The following VMA22 variants were observed in gnomAD, a reference collection of about 807,000 sequenced individuals.
The protein encoded by VMA22 is vacuolar ATPase assembly protein VMA22.
the VMA22 span, chr2:130,342,669 A>T: frequency 1.9e-6 from 1 of 517,398 alleles, no homozygotes; most frequent in South Asian, 2.8e-5. Context: ...CTGGGCGGAC[A>T]TATTTATTAG....
chr2:130,341,932 G>C, the VMA22 span: 1 of 1,613,642 alleles, frequency 6.2e-7, no homozygotes, highest in South Asian at 1.1e-5. Flanking sequence ...GCCTTGGCGA[G>C]CGAGAGCCAG....
At chr2:130,339,784 C>G in the VMA22 span, 1 of 1,302,522 alleles carries the variant, frequency 7.7e-7, no homozygotes, top group African/African-American at 1.5e-5. Flanking sequence ...TGTTGCTCCT[C>G]AGTTTCCTTG....
chr2:130,339,186 G>A, the VMA22 span: 2 of 1,614,078 alleles, frequency 1.2e-6, no homozygotes. Flanking sequence ...TTCGACCCCA[G>A]TCAATGCGGT....
the VMA22 span, chr2:130,341,864 C>A: frequency 7.1e-7 from 1 of 1,417,094 alleles, no homozygotes; most frequent in African/African-American, 1.6e-5. Flanking sequence ...AGACCTGGGG[C>A]TCCATGTGGG....
the VMA22 span, among the ~76,000 whole-genome samples, chr2:130,338,002 T>A: frequency 4.6e-5 from 7 of 152,196 alleles, no homozygotes; most frequent in Non-Finnish European, 8.8e-5. Context: ...CAAATTACAT[T>A]AGGTTTACAC....
the VMA22 span, chr2:130,341,877 G>A: frequency 1.2e-6 from 2 of 1,612,258 alleles, no homozygotes; most frequent in Non-Finnish European, 1.7e-6. Context: ...CATGTGGGAA[G>A]CATACTGCAG....
At chr2:130,341,856 AC>A in the VMA22 span, 2 of 1,358,022 alleles carry the variant, frequency 1.5e-6, no homozygotes, top group Non-Finnish European at 2.0e-6. Context: ...GTGGAGGCAG[AC>A]CTGGGGCTCC....
chr2:130,339,695 AGCAGG>A, the VMA22 span: 2 of 1,304,396 alleles, frequency 1.5e-6, no homozygotes, highest in Non-Finnish European at 2.0e-6. Context: ...CCTGTTCAGC[AGCAGG>A]GCTGACCACA....
At chr2:130,342,441 G>A in the VMA22 span, 2 of 557,208 alleles carry the variant, frequency 3.6e-6, no homozygotes, top group Non-Finnish European at 3.2e-6. Flanking sequence ...CACTGTTGTG[G>A]CGATGGAAGA....
At chr2:130,341,379 G>A in the VMA22 span, 1 of 547,620 alleles carries the variant, frequency 1.8e-6, no homozygotes. Flanking sequence ...GATTAACTGG[G>A]ATTAGAAGTT....
the VMA22 span, chr2:130,338,521 G>A: frequency 5.3e-5 from 8 of 152,184 alleles, no homozygotes; most frequent in South Asian, 2.1e-4. Flanking sequence ...AATGAAGAGA[G>A]GCTCAGCCTC....
At chr2:130,340,873 G>A in the VMA22 span, 7 of 1,613,318 alleles carry the variant, frequency 4.3e-6, no homozygotes, top group African/African-American at 4.0e-5. Flanking sequence ...TAGAGGGTCT[G>A]AGGGCCACAG....
chr2:130,342,194 A>AC, the VMA22 span: 1 of 1,578,678 alleles, frequency 6.3e-7, no homozygotes. Context: ...GACAGCCAAT[A>AC]GGCACACGAG....
the VMA22 span, chr2:130,341,987 T>G: frequency 6.2e-7 from 1 of 1,613,220 alleles, no homozygotes; most frequent in Non-Finnish European, 8.5e-7. Flanking sequence ...TACGCCCGTG[T>G]ACCCTCCTGC....
the VMA22 span, chr2:130,342,383 A>G: frequency 1.6e-6 from 1 of 636,764 alleles, no homozygotes; most frequent in South Asian, 2.1e-5. Context: ...CTAGGGTTAT[A>G]GGTGGTTCTG....
At chr2:130,342,260 C>T in the VMA22 span, 5 of 1,524,584 alleles carry the variant, frequency 3.3e-6, no homozygotes, top group South Asian at 2.4e-5. Context: ...AGCACCAAGG[C>T]CTCTGGGTCA....
chr2:130,341,572 C>T, the VMA22 span: 61 of 1,087,094 alleles, frequency 5.6e-5, no homozygotes, highest in East Asian at 1.4e-3. Context: ...GGGATGCTCT[C>T]TCTTATCGCA....
At chr2:130,341,292 T>C in the VMA22 span, 1 of 562,656 alleles carries the variant, frequency 1.8e-6, no homozygotes, top group South Asian at 2.2e-5. Context: ...CCTGTGACAC[T>C]GATCTTACCC....
chr2:130,341,805 G>GGGGCCCC, the VMA22 span: 1 of 272,770 alleles, frequency 3.7e-6, no homozygotes. Context: ...GAACGCGCCC[G>GGGGCCCC]CCCGCCCACC....
Sources: gnomAD v4.1 joint callset for allele counts (sites outside exome capture counted in the v4.1 genomes callset) on GRCh38, gnomAD v4.1.1 for gene constraint, MANE v1.5 for transcripts, NCBI Gene and HGNC (gene_info 2026-07-23, HGNC 2026-07-21) for gene names.